STIMATE: variants seen among roughly 807,000 people sequenced by gnomAD.
STIMATE encodes STIM activating enhancer, also known as store-operated calcium entry regulator STIMATE.
Under a neutral mutation model 36.7 loss-of-function variants are expected in STIMATE, and 15 were observed. The observed-to-expected ratio is 0.41, with a 90% CI of 0.27 to 0.63. The LOEUF (loss-of-function observed/expected upper bound fraction) is 0.63, where lower values mean the gene tolerates loss of function less well. Ranked by LOEUF, STIMATE falls within the 20% of genes least tolerant of loss-of-function variation. The pLI, the probability that STIMATE is intolerant of heterozygous loss-of-function variation, is 0.32. For missense variants in STIMATE, 305 were observed against 397.3 expected (o/e 0.77, Z 1.98); for synonymous variants, 163 against 162.3 (o/e 1.00, Z -0.03).
At chr3:52,864,952 C>CTT (rs71615872) in intron 1 of STIMATE, among the ~76,000 whole-genome samples, 2,375 of 146,748 alleles carry the variant, frequency 0.016, 43 homozygotes, top group Non-Finnish European at 0.022. Flanking sequence ...TCTCTCTTTT[C>CTT]TTTTTTTTTT....
intron 1 of STIMATE, among the ~76,000 whole-genome samples, chr3:52,890,768 T>C (rs113134171): frequency 0.016 from 2,386 of 152,312 alleles, 55 homozygotes; most frequent in African/African-American, 0.053. Flanking sequence ...AACAGGGAAA[T>C]GAACTCTGTG....
intron 2 of STIMATE, 69 bp downstream of exon 2, chr3:52,855,327 C>T: frequency 6.4e-7 from 1 of 1,567,980 alleles, no homozygotes; most frequent in Admixed American, 1.8e-5. Context: ...CACCATACCC[C>T]ACCCCCAGCC....
intron 1 of STIMATE, among the ~76,000 whole-genome samples, chr3:52,890,166 C>T (rs1472032254): frequency 1.3e-5 from 2 of 152,254 alleles, no homozygotes; most frequent in African/African-American, 4.8e-5. Flanking sequence ...TCACGCTATA[C>T]TGGAATTGCC....
rs1037140762 is a variant in STIMATE, at chr3:52,897,496, C to G, written c.-46G>C. ...CGCGAGGGCCCAGGGCCCGCCCGGC[C>G]TCGCTGCCTGCCGGCGCAGCGCCGC... is the stretch of plus-strand genomic sequence containing the variant. On this transcript the variant is annotated 5_prime_UTR_variant, in exon 1 of 8. Coordinates refer to ENST00000355083, the MANE Select transcript of STIMATE (RefSeq NM_198563.5). 1 of 1,203,884 alleles carries G rather than the reference C, an allele frequency of 8.3e-7. No homozygotes were observed. The highest frequency in any genetic ancestry group is 3.5e-5 in the East Asian group (1 of 28,390). 74.6% of individuals were successfully genotyped at this position (1,203,884 alleles called of 1,614,324 possible). A position where few individuals can be genotyped will look rare whatever the true frequency, so the allele number is the denominator to read the frequency against.
At position 52,840,617 on chromosome 3, in the gene STIMATE, C is replaced by T; in HGVS notation, c.769-7G>A. ...CATCCGCTGAGATCAGGATCTGAGGCAGTAGAGAGGCAGGGCCTGAGTCAC... is the reference window on the plus strand; with the variant it reads ...CATCCGCTGAGATCAGGATCTGAGGTAGTAGAGAGGCAGGGCCTGAGTCAC... On this transcript the variant is annotated splice_polypyrimidine_tract_variant and splice_region_variant and intron_variant, in intron 7 of 7. Transcript: ENST00000355083. The T allele has an allele frequency of 6.2e-7, 1 of 1,611,566 alleles. No homozygotes were observed. Among genetic ancestry groups the T allele is most frequent in the South Asian group, 1.1e-5 (1 of 90,866 alleles).
At chr3:52,863,617 C>A (rs186741532) in intron 1 of STIMATE, among the ~76,000 whole-genome samples, 2 of 152,126 alleles carry the variant, frequency 1.3e-5, no homozygotes, top group African/African-American at 2.4e-5. Context: ...AAAGTCTTAA[C>A]TCATTTCAAC....
Position 52,897,438 on chromosome 3 carries a change from C to G in STIMATE, c.13G>C (p.Ala5Pro). ...GGCAGTCCCCGGCTCGCGTTCCCGG[C>G]GGGGCCCTGCATGACAGGCCTCGCG... MQGP[A>P]GNASRGLPGG... Residue 5 changes from alanine (A) to proline (P), a missense_variant, in exon 1 of 8, where the codon GCC becomes CCC. Around this residue, in one of 3 missense-constraint regions of STIMATE, gnomAD observed 57 missense variants for 57.1 expected, o/e 1.00. Coordinates refer to ENST00000355083, the MANE Select transcript of STIMATE (RefSeq NM_198563.5). The G allele has an allele frequency of 7.0e-7, 1 of 1,426,254 alleles. No individual in the cohort carries two copies. Among genetic ancestry groups the G allele is most frequent in the Non-Finnish European group, 9.1e-7 (1 of 1,097,842 alleles). The allele number at this position is 1,426,254 out of a possible 1,614,324, so 88.3% of individuals were successfully genotyped here. A position where few individuals can be genotyped will look rare whatever the true frequency, so the allele number is the denominator to read the frequency against.
In STIMATE at chr3:52,897,505, T is replaced by G. The variant is rs1701886818; in HGVS notation, c.-55A>C. The G allele has an allele frequency of 8.4e-7, 1 of 1,195,558 alleles. No homozygotes were observed. Among genetic ancestry groups the G allele is most frequent in the South Asian group, 4.1e-5 (1 of 24,134 alleles). The allele number at this position is 1,195,558 out of a possible 1,614,324, so 74.1% of individuals were successfully genotyped here. A position where few individuals can be genotyped will look rare whatever the true frequency, so the allele number is the denominator to read the frequency against. On this transcript the variant is annotated 5_prime_UTR_variant, in exon 1 of 8. Coordinates refer to ENST00000355083, the MANE Select transcript of STIMATE (RefSeq NM_198563.5). ...CCAGGGCCCGCCCGGCCTCGCTGCCTGCCGGCGCAGCGCCGCCAAACCCGC... is the reference window on the plus strand; with the variant it reads ...CCAGGGCCCGCCCGGCCTCGCTGCCGGCCGGCGCAGCGCCGCCAAACCCGC...
At chr3:52,860,044 A>C (rs1414541092) in intron 1 of STIMATE, among the ~76,000 whole-genome samples, 2 of 125,872 alleles carry the variant, frequency 1.6e-5, no homozygotes, top group Non-Finnish European at 3.3e-5. Flanking sequence ...TCCCTAGAAC[A>C]GTCCAGATTC....
At chr3:52,860,773 G>A (rs531460237) in intron 1 of STIMATE, among the ~76,000 whole-genome samples, 9 of 152,236 alleles carry the variant, frequency 5.9e-5, no homozygotes, top group Non-Finnish European at 8.8e-5. Context: ...TCTGCTGACA[G>A]TGGACGTGGG....
intron 1 of STIMATE, among the ~76,000 whole-genome samples, chr3:52,890,792 A>G (rs1004128000): frequency 6.6e-6 from 1 of 152,224 alleles, no homozygotes; most frequent in African/African-American, 2.4e-5. Flanking sequence ...CTCAGCAGGT[A>G]ACCTGAAGCC....
intron 4 of STIMATE, chr3:52,847,425 G>T (rs966360460): frequency 7.8e-7 from 1 of 1,284,788 alleles, no homozygotes; most frequent in African/African-American, 1.5e-5. Context: ...TTCCACATGG[G>T]AAAGAGTGGC....
chr3:52,874,147 T>C (rs1240645983), intron 1 of STIMATE, among the ~76,000 whole-genome samples: 1 of 152,202 alleles, frequency 6.6e-6, no homozygotes, highest in Non-Finnish European at 1.5e-5. Context: ...GTGGAAGATT[T>C]AGAAACCAGC....
At chr3:52,861,950 TTCCTCTTGAC>T (rs1701222034) in intron 1 of STIMATE, among the ~76,000 whole-genome samples, 1 of 152,192 alleles carries the variant, frequency 6.6e-6, no homozygotes, top group African/African-American at 2.4e-5. Context: ...CCTCCCCTTC[TTCCTCTTGAC>T]TCCTGGGGAG....
intron 1 of STIMATE, among the ~76,000 whole-genome samples, chr3:52,866,891 C>CTTT (rs1701322803): frequency 6.6e-6 from 1 of 152,216 alleles, no homozygotes; most frequent in Non-Finnish European, 1.5e-5. Context: ...GCACAACTGT[C>CTTT]TTGAGATTAA....
rs953502655 is a variant in STIMATE at position 52,840,357 on chromosome 3, C to T, written c.*137G>A. 7 of 1,023,710 alleles carry T rather than the reference C, an allele frequency of 6.8e-6. No individual in the cohort carries two copies. The highest frequency in any genetic ancestry group is 1.6e-5 in the South Asian group (1 of 61,346). The allele number at this position is 1,023,710 out of a possible 1,614,324, so 63.4% of individuals were successfully genotyped here. ...TAAGTCACAGTAGTCTGGGGGCAGG[C>T]GAGAGCGGGCAGAGACAGCAAGAGG... is the stretch of plus-strand genomic sequence containing the variant. On this transcript the variant is annotated 3_prime_UTR_variant, in exon 8 of 8. Coordinates refer to ENST00000355083, the MANE Select transcript of STIMATE (RefSeq NM_198563.5).
chr3:52,865,749 T>C (rs1171660950), intron 1 of STIMATE, among the ~76,000 whole-genome samples: 1 of 152,142 alleles, frequency 6.6e-6, no homozygotes, highest in Non-Finnish European at 1.5e-5. Flanking sequence ...CAGTACAAAA[T>C]ATATTCAGTG....
Position 52,839,564 on chromosome 3 carries a change from C to G in STIMATE, c.*930G>C, listed in dbSNP as rs1401707557. 1 of 152,210 alleles carries G rather than the reference C, an allele frequency of 6.6e-6. No homozygotes were observed. Among genetic ancestry groups the G allele is most frequent in the Non-Finnish European group, 1.5e-5 (1 of 68,056 alleles). The allele number at this position is 152,210 out of a possible 1,614,324, so 9.4% of individuals were successfully genotyped here. ...AATGCTAGAGCTCATGGGCCCTGGG[C>G]AGAGCCTTTCCTGTTCCACACTCTG... is the stretch of plus-strand genomic sequence containing the variant. On this transcript the variant is annotated 3_prime_UTR_variant, in exon 8 of 8. Coordinates refer to ENST00000355083, the MANE Select transcript of STIMATE (RefSeq NM_198563.5).
chr3:52,866,241 G>A (rs1194077791), intron 1 of STIMATE, among the ~76,000 whole-genome samples: 2 of 152,244 alleles, frequency 1.3e-5, no homozygotes, highest in African/African-American at 2.4e-5. Flanking sequence ...ATTCTTGCCA[G>A]CATGGTGTAC....
Sources: gnomAD v4.1 joint callset for allele counts (sites outside exome capture counted in the v4.1 genomes callset) on GRCh38, gnomAD v4.1.1 for gene constraint, gnomAD v4.1.1 regional missense constraint, MANE v1.5 for transcripts, NCBI Gene and HGNC (gene_info 2026-07-23, HGNC 2026-07-21) for gene names.